The following BRINP2 variants were observed in gnomAD, a reference collection of about 807,000 sequenced individuals.
BRINP2 encodes BMP/retinoic acid inducible neural specific 2.
BRINP2 carries 21 observed loss-of-function variants against 69.2 expected under a neutral mutation model. The observed-to-expected ratio is 0.30, with a 90% CI of 0.22 to 0.44. The LOEUF (loss-of-function observed/expected upper bound fraction) is 0.44. Ranked by LOEUF, BRINP2 falls within the 20% of genes least tolerant of loss-of-function variation. The pLI is 1.00. For synonymous variants in BRINP2, 380 were observed against 394.1 expected, an observed-to-expected ratio of 0.96 and a Z score of 0.42; for missense variants, 877 against 986.0, an observed-to-expected ratio of 0.89 and a Z score of 1.48.
chr1:177,195,252 G>A (rs1454590706), intron 1 of BRINP2, among the ~76,000 whole-genome samples: 1 of 151,992 alleles, frequency 6.6e-6, no homozygotes, highest in Non-Finnish European at 1.5e-5. Context: ...AGTTTTGGAG[G>A]CACTTCCAAA....
chr1:177,184,572 G>A (rs146265336), intron 1 of BRINP2, among the ~76,000 whole-genome samples: 399 of 151,986 alleles, frequency 2.6e-3, no homozygotes, highest in African/African-American at 9.1e-3. Flanking sequence ...ACAATGATGC[G>A]AAGAGGCCAA....
chr1:177,235,831 A>C (rs1650003846), intron 2 of BRINP2, among the ~76,000 whole-genome samples: 1 of 152,156 alleles, frequency 6.6e-6, no homozygotes, highest in South Asian at 2.1e-4. Context: ...AGGGCTCCAG[A>C]AGGGAAGTTG....
chr1:177,275,108 C>G (rs1358486300), intron 5 of BRINP2: 1 of 456,252 alleles, frequency 2.2e-6, no homozygotes, highest in Non-Finnish European at 4.4e-6. Flanking sequence ...TACTGGGGAG[C>G]CTCCTGCAGA....
chr1:177,224,726 C>T (rs1310268628), intron 1 of BRINP2, among the ~76,000 whole-genome samples: 4 of 152,084 alleles, frequency 2.6e-5, no homozygotes, highest in Non-Finnish European at 5.9e-5. Flanking sequence ...TTTCTGCCTT[C>T]TGCATTCTCA....
intron 4 of BRINP2, among the ~76,000 whole-genome samples, chr1:177,270,676 T>A (rs1651291104): frequency 6.6e-6 from 1 of 152,050 alleles, no homozygotes; most frequent in African/African-American, 2.4e-5. Flanking sequence ...AGTGACCAAG[T>A]CAGGAGTAAG....
At chr1:177,236,037 G>T (rs1293444814) in intron 2 of BRINP2, among the ~76,000 whole-genome samples, 1 of 152,166 alleles carries the variant, frequency 6.6e-6, no homozygotes, top group East Asian at 1.9e-4. Flanking sequence ...AAAATTAGAG[G>T]CAATATGGCA....
chr1:177,219,254 G>A (rs1054294264), intron 1 of BRINP2, among the ~76,000 whole-genome samples: 1 of 152,132 alleles, frequency 6.6e-6, no homozygotes, highest in Admixed American at 6.5e-5. Flanking sequence ...CAATGCAGCA[G>A]CTTTATTGAT....
rs771967341 is a variant in BRINP2 at position 177,280,997 on chromosome 1, G to A, written c.1821G>A (p.Glu607=). 1 of 1,614,188 alleles carries A rather than the reference G, an allele frequency of 6.2e-7. No individual in the cohort carries two copies. The highest frequency in any genetic ancestry group is 8.5e-7 in the Non-Finnish European group (1 of 1,180,020). ...AGAGCTGGTTCATGCCTGTGAATGA[G>A]GGCAGCTTTCCTGACTGGGAAAGGA... ...HSESWFMPVN[E]GSFPDWERTN... is the part of the protein sequence containing the mutation. Residue 607 remains glutamate (E), a synonymous_variant, in exon 8 of 8, where the codon GAG becomes GAA. Coordinates refer to ENST00000361539, the MANE Select transcript of BRINP2 (RefSeq NM_021165.4).
At position 177,257,192 on chromosome 1, in the gene BRINP2, C is replaced by A; in HGVS notation, c.477C>A (p.Thr159=). 1.2e-6 allele frequency: 2 copies of A among 1,613,984 alleles called. No homozygotes were observed. The highest frequency in any genetic ancestry group is 2.2e-5 in the South Asian group (2 of 91,048). Residue 159 remains threonine, a synonymous_variant, in exon 4 of 8, where the codon ACC becomes ACA. Coordinates refer to ENST00000361539, the MANE Select transcript of BRINP2 (RefSeq NM_021165.4). The part of the protein sequence containing the change: ...SATLGGEESL[T]IFVDKQKLGR... ...TCACCATAGGAGAAGAGTCCCTGAC[C>A]ATTTTTGTGGACAAGCAGAAACTGG...
At chr1:177,268,219 T>C (rs1651188930) in intron 4 of BRINP2, among the ~76,000 whole-genome samples, 1 of 152,226 alleles carries the variant, frequency 6.6e-6, no homozygotes. Flanking sequence ...CCAGGGAACA[T>C]TACTTTGCTC....
chr1:177,195,659 T>TG (rs917506145), intron 1 of BRINP2, among the ~76,000 whole-genome samples: 59 of 150,622 alleles, frequency 3.9e-4, no homozygotes, highest in Admixed American at 6.6e-4. Flanking sequence ...CGCTGGCAAG[T>TG]GGGGGGGGAA....
intron 1 of BRINP2, among the ~76,000 whole-genome samples, chr1:177,222,038 G>T (rs1360458712): frequency 2.6e-5 from 4 of 152,206 alleles, no homozygotes; most frequent in Non-Finnish European, 5.9e-5. Context: ...CAGCTGCAGA[G>T]GACTAGGGAT....
intron 2 of BRINP2, among the ~76,000 whole-genome samples, chr1:177,231,095 G>A (rs1279791156): frequency 6.6e-6 from 1 of 152,136 alleles, no homozygotes; most frequent in East Asian, 1.9e-4. Flanking sequence ...TAACATATTG[G>A]CTATGCATTT....
At position 177,257,327 on chromosome 1, in the gene BRINP2, CAGAGAG is replaced by C; in HGVS notation, c.615_620del (p.Arg205_Glu206del). On this transcript the variant is annotated inframe_deletion, in exon 4 of 8. Coordinates refer to ENST00000361539, the MANE Select transcript of BRINP2 (RefSeq NM_021165.4). ...AGCTGGCCGCCTCCTACTTCATCGA[CAGAGAG>C]AGCACGCTGCGACGGCTGCACCATA... 6.2e-7 allele frequency: 1 copy of C among 1,614,052 alleles called. No individual in the cohort carries two copies. The highest frequency in any genetic ancestry group is 8.5e-7 in the Non-Finnish European group (1 of 1,180,006).
intron 2 of BRINP2, among the ~76,000 whole-genome samples, chr1:177,250,259 A>G (rs1239470270): frequency 6.6e-6 from 1 of 151,950 alleles, no homozygotes; most frequent in Non-Finnish European, 1.5e-5. Flanking sequence ...ATGAAAATAG[A>G]TTTGGGTTTT....
intron 1 of BRINP2, among the ~76,000 whole-genome samples, chr1:177,208,122 A>G (rs1269562057): frequency 6.6e-6 from 1 of 152,218 alleles, no homozygotes; most frequent in Non-Finnish European, 1.5e-5. Flanking sequence ...ATCTAACAGT[A>G]GAACACAAAG....
In BRINP2 at chr1:177,171,308, G is replaced by C. The variant is rs750624390; in HGVS notation, c.-501G>C. ...GTTTCTCCTCGGCGGAGGGACAGGG[G>C]ACTCCCCCAGTTGGGTCTTGCACTT... On this transcript the variant is annotated 5_prime_UTR_variant, in exon 1 of 8. Transcript: ENST00000361539. Among the ~76,000 whole-genome samples, 1 of 152,192 alleles carries C rather than the reference G, an allele frequency of 6.6e-6. No individual in the cohort carries two copies. The highest frequency in any genetic ancestry group is 2.4e-5 in the African/African-American group (1 of 41,458).
intron 4 of BRINP2, among the ~76,000 whole-genome samples, chr1:177,270,818 G>A (rs1651299150): frequency 6.6e-6 from 1 of 152,124 alleles, no homozygotes; most frequent in African/African-American, 2.4e-5. Context: ...TACCCTAGAG[G>A]GGCAAACTTC....
Position 177,281,408 on chromosome 1 carries a change from G to T in BRINP2, c.2232G>T (p.Leu744Phe). Reference sequence around the variant, plus strand: ...TCCGACTTGACCTTTTCTCCTGCTTGCTCCGGCATCGGCTTAAGCTGGCCA... The same window carrying T: ...TCCGACTTGACCTTTTCTCCTGCTTTCTCCGGCATCGGCTTAAGCTGGCCA... Reference protein sequence around the residue: ...GKVRLDLFSCLLRHRLKLANN... With the variant: ...GKVRLDLFSCFLRHRLKLANN... The change falls in exon 8 of 8, where the codon TTG becomes TTT. Residue 744 changes from leucine (L) to phenylalanine (F), a missense_variant. Transcript: ENST00000361539. 6.2e-7 allele frequency: 1 copy of T among 1,614,108 alleles called. No homozygotes were observed. Among genetic ancestry groups the T allele is most frequent in the Non-Finnish European group, 8.5e-7 (1 of 1,180,044 alleles).
Sources: allele counts gnomAD v4.1 joint callset (sites outside exome capture counted in the v4.1 genomes callset), GRCh38; gene constraint gnomAD v4.1.1; transcripts MANE v1.5; gene names NCBI Gene and HGNC (gene_info 2026-07-23, HGNC 2026-07-21).